The following MLLT3 variants were observed in gnomAD, a reference collection of about 807,000 sequenced individuals.
The protein encoded by MLLT3 is protein AF-9.
Under a neutral mutation model 53.2 loss-of-function variants are expected in MLLT3, and 4 were observed. The observed-to-expected ratio is 0.08, with a 90% CI of 0.04 to 0.17. The LOEUF (loss-of-function observed/expected upper bound fraction) is 0.17. Ranked by LOEUF, MLLT3 falls within the 10% of genes least tolerant of loss-of-function variation. The pLI is 1.00. For missense variants in MLLT3, 569 were observed against 684.0 expected (o/e 0.83, Z 1.87); for synonymous variants, 283 against 230.6 (o/e 1.23, Z -2.06).
chr9:20,467,893 A>T (rs1416872828), intron 2 of MLLT3, among the ~76,000 whole-genome samples: 1 of 152,214 alleles, frequency 6.6e-6, no homozygotes, highest in African/African-American at 2.4e-5. Context: ...TGTTTTCCTC[A>T]CTTAAATCAA....
intron 2 of MLLT3, among the ~76,000 whole-genome samples, chr9:20,493,616 C>A (rs138209513): frequency 1.3e-5 from 2 of 152,000 alleles, no homozygotes; most frequent in African/African-American, 4.8e-5. Flanking sequence ...ACTTAAATAT[C>A]CAACAAGTAA....
chr9:20,378,251 C>A (rs1053079825), intron 5 of MLLT3, among the ~76,000 whole-genome samples: 1 of 151,962 alleles, frequency 6.6e-6, no homozygotes, highest in Non-Finnish European at 1.5e-5. Context: ...TACAGGTTTA[C>A]AGGGAGAGAT....
intron 4 of MLLT3, among the ~76,000 whole-genome samples, chr9:20,434,963 C>T (rs1195338197): frequency 6.6e-6 from 1 of 152,144 alleles, no homozygotes; most frequent in Non-Finnish European, 1.5e-5. Context: ...GACAATTTTA[C>T]ACACATGCAC....
At chr9:20,435,106 T>C (rs1823369469) in intron 4 of MLLT3, among the ~76,000 whole-genome samples, 1 of 152,192 alleles carries the variant, frequency 6.6e-6, no homozygotes, top group African/African-American at 2.4e-5. Context: ...AAAAAGCTTC[T>C]GGCACCCCAC....
chr9:20,372,197 A>C (rs1341713389), intron 5 of MLLT3, among the ~76,000 whole-genome samples: 1 of 152,214 alleles, frequency 6.6e-6, no homozygotes, highest in Non-Finnish European at 1.5e-5. Flanking sequence ...CTCCTGGTGA[A>C]AATGCTAGGA....
intron 2 of MLLT3, among the ~76,000 whole-genome samples, chr9:20,587,476 G>C (rs748067703): frequency 2.3e-4 from 35 of 151,866 alleles, no homozygotes; most frequent in Admixed American, 4.6e-4. Context: ...TCCAAGACAA[G>C]AGAGGGGCCC....
chr9:20,556,890 A>G (rs956666126), intron 2 of MLLT3, among the ~76,000 whole-genome samples: 2 of 152,166 alleles, frequency 1.3e-5, no homozygotes, highest in Non-Finnish European at 2.9e-5. Context: ...AATTTTTACA[A>G]TATGCCCCAA....
At chr9:20,450,405 C>A (rs1823809624) in intron 3 of MLLT3, among the ~76,000 whole-genome samples, 1 of 152,186 alleles carries the variant, frequency 6.6e-6, no homozygotes, top group Admixed American at 6.5e-5. Flanking sequence ...GATATAAAAG[C>A]CTTTAATGGT....
intron 2 of MLLT3, among the ~76,000 whole-genome samples, chr9:20,554,985 A>C (rs1819017899): frequency 6.6e-6 from 1 of 152,230 alleles, no homozygotes; most frequent in South Asian, 2.1e-4. Context: ...CAATAATTTT[A>C]ATCTTAATTT....
chr9:20,608,492 A>G (rs1053229445), intron 2 of MLLT3, among the ~76,000 whole-genome samples: 2 of 151,970 alleles, frequency 1.3e-5, no homozygotes, highest in Non-Finnish European at 2.9e-5. Context: ...ACACATTTAT[A>G]AATCAGGTTA....
intron 2 of MLLT3, among the ~76,000 whole-genome samples, chr9:20,534,695 G>C (rs1253219331): frequency 6.6e-6 from 1 of 152,082 alleles, no homozygotes; most frequent in Non-Finnish European, 1.5e-5. Context: ...GACCATCCCG[G>C]ATAACACAGT....
chr9:20,493,992 C>T (rs1437127005), intron 2 of MLLT3, among the ~76,000 whole-genome samples: 1 of 152,082 alleles, frequency 6.6e-6, no homozygotes, highest in Non-Finnish European at 1.5e-5. Context: ...ACATACTCAA[C>T]CATCTGAAAT....
intron 2 of MLLT3, among the ~76,000 whole-genome samples, chr9:20,552,509 T>C (rs1026301000): frequency 2.0e-5 from 3 of 152,040 alleles, no homozygotes; most frequent in Non-Finnish European, 4.4e-5. Flanking sequence ...CCTTCCCAGT[T>C]TGTTGTTGTT....
intron 2 of MLLT3, among the ~76,000 whole-genome samples, chr9:20,482,259 A>G (rs1350292893): frequency 2.0e-5 from 3 of 152,248 alleles, no homozygotes; most frequent in Non-Finnish European, 4.4e-5. Flanking sequence ...ACCAGTTTCA[A>G]TCGGCATGAC....
intron 5 of MLLT3, among the ~76,000 whole-genome samples, chr9:20,399,831 A>T (rs1822411156): frequency 6.6e-6 from 1 of 152,160 alleles, no homozygotes; most frequent in Non-Finnish European, 1.5e-5. Flanking sequence ...TTTTGAAAAC[A>T]AATAAATGGA....
chr9:20,570,469 C>G (rs891047422), intron 2 of MLLT3, among the ~76,000 whole-genome samples: 1 of 152,154 alleles, frequency 6.6e-6, no homozygotes, highest in Non-Finnish European at 1.5e-5. Flanking sequence ...ATTATTTCTC[C>G]TACATGTATC....
At chr9:20,493,977 T>G (rs898072009) in intron 2 of MLLT3, among the ~76,000 whole-genome samples, 9 of 152,066 alleles carry the variant, frequency 5.9e-5, no homozygotes, top group Admixed American at 2.6e-4. Context: ...GAACGCACAT[T>G]TCCAACATAC....
intron 3 of MLLT3, among the ~76,000 whole-genome samples, chr9:20,454,362 G>C (rs1440048318): frequency 5.9e-5 from 9 of 152,130 alleles, no homozygotes; most frequent in Non-Finnish European, 1.3e-4. Context: ...GGAAATTCCA[G>C]TTATTTTTGT....
chr9:20,483,284 G>C (rs1023158386), intron 2 of MLLT3, among the ~76,000 whole-genome samples: 50 of 151,814 alleles, frequency 3.3e-4, no homozygotes, highest in Admixed American at 1.5e-3. Flanking sequence ...GCCCAGGCTG[G>C]AGTGCAGTGG....
Sources: gnomAD v4.1 joint callset for allele counts (sites outside exome capture counted in the v4.1 genomes callset) on GRCh38, gnomAD v4.1.1 for gene constraint, MANE v1.5 for transcripts, NCBI Gene and HGNC (gene_info 2026-07-23, HGNC 2026-07-21) for gene names.